The following SLC39A11 variants were observed in gnomAD, a reference collection of about 807,000 sequenced individuals.
The protein encoded by SLC39A11 is zinc transporter ZIP11.
A neutral mutation model predicts 36.1 loss-of-function variants in SLC39A11; 33 were observed. The observed-to-expected ratio is 0.91, with a 90% confidence interval of 0.69 to 1.22. The LOEUF (loss-of-function observed/expected upper bound fraction) is 1.22. SLC39A11 is among the 50% of genes most tolerant of loss of function. The probability of loss-of-function intolerance (pLI) is 0.00; values close to 1 mark genes in which losing one functional copy is unlikely to be tolerated. For missense variants in SLC39A11, 432 were observed against 430.3 expected (o/e 1.00, Z -0.03); for synonymous variants, 166 against 170.3 (o/e 0.97, Z 0.20).
chr17:72,708,475 T>C (rs2143241711), intron 7 of SLC39A11, among the ~76,000 whole-genome samples: 1 of 152,326 alleles, frequency 6.6e-6, no homozygotes, highest in Admixed American at 6.5e-5. Context: ...AGCAAATTCT[T>C]CGTAACAAAT....
intron 3 of SLC39A11, among the ~76,000 whole-genome samples, chr17:73,081,291 A>G (rs1435712813): frequency 1.3e-5 from 2 of 152,196 alleles, no homozygotes; most frequent in African/African-American, 4.8e-5. Flanking sequence ...CTCCTGCAAG[A>G]ATGACCATAA....
chr17:72,678,863 G>C (rs2071392898), intron 7 of SLC39A11, among the ~76,000 whole-genome samples: 1 of 152,114 alleles, frequency 6.6e-6, no homozygotes, highest in South Asian at 2.1e-4. Flanking sequence ...CCAAGACAGG[G>C]AGTCAACCTG....
intron 7 of SLC39A11, among the ~76,000 whole-genome samples, chr17:72,718,214 G>T (rs1017829779): frequency 6.6e-6 from 1 of 152,186 alleles, no homozygotes; most frequent in African/African-American, 2.4e-5. Flanking sequence ...TGGGGAGGCT[G>T]AGGCGGACGG....
At chr17:72,981,692 A>G (rs1469665191) in intron 4 of SLC39A11, among the ~76,000 whole-genome samples, 1 of 152,102 alleles carries the variant, frequency 6.6e-6, no homozygotes, top group African/African-American at 2.4e-5. Flanking sequence ...ATCAAAAAAG[A>G]CTAAGTTCAA....
intron 6 of SLC39A11, among the ~76,000 whole-genome samples, chr17:72,778,045 C>G (rs1444764000): frequency 1.3e-5 from 2 of 152,142 alleles, no homozygotes; most frequent in East Asian, 3.9e-4. Context: ...GCTGGGATTA[C>G]AGGTGCCTGC....
At chr17:72,905,323 C>T (rs1459985778) in intron 5 of SLC39A11, among the ~76,000 whole-genome samples, 2 of 149,048 alleles carry the variant, frequency 1.3e-5, no homozygotes, top group East Asian at 2.0e-4. Flanking sequence ...AGGCCAGGCA[C>T]AGTGGCTCAC....
chr17:72,840,602 T>G (rs1047499300), intron 6 of SLC39A11, among the ~76,000 whole-genome samples: 6 of 152,078 alleles, frequency 3.9e-5, no homozygotes, highest in Non-Finnish European at 4.4e-5. Flanking sequence ...CTACTAAAAG[T>G]ACAAAAATTA....
intron 3 of SLC39A11, among the ~76,000 whole-genome samples, chr17:73,054,955 T>A (rs574165297): frequency 6.6e-6 from 1 of 151,898 alleles, no homozygotes; most frequent in East Asian, 1.9e-4. Context: ...ATGACAAGGA[T>A]CTGGAAGGGA....
At chr17:72,717,828 G>A (rs191835099) in intron 7 of SLC39A11, among the ~76,000 whole-genome samples, 12 of 152,220 alleles carry the variant, frequency 7.9e-5, no homozygotes, top group East Asian at 3.9e-4. Context: ...GCTCTCCCTC[G>A]GAGTGACCCT....
intron 3 of SLC39A11, among the ~76,000 whole-genome samples, chr17:73,062,292 T>G (rs1014139012): frequency 6.6e-6 from 1 of 150,780 alleles, no homozygotes; most frequent in Admixed American, 6.6e-5. Flanking sequence ...AAACCCCATC[T>G]CTATAAAAAA....
chr17:72,698,898 T>C (rs1053762457), intron 7 of SLC39A11, among the ~76,000 whole-genome samples: 3 of 152,156 alleles, frequency 2.0e-5, no homozygotes, highest in African/African-American at 7.2e-5. Flanking sequence ...TGGCGTGATC[T>C]CGGCTCACTG....
intron 5 of SLC39A11, among the ~76,000 whole-genome samples, chr17:72,861,657 T>TTTTATATA (rs1555605275): frequency 2.0e-5 from 1 of 50,952 alleles, no homozygotes; most frequent in African/African-American, 9.2e-5. Flanking sequence ...ATACAACACA[T>TTTTATATA]TATATATATA....
chr17:72,784,978 G>A (rs1430060176), intron 6 of SLC39A11, among the ~76,000 whole-genome samples: 1 of 151,068 alleles, frequency 6.6e-6, no homozygotes, highest in African/African-American at 2.4e-5. Context: ...TCCTGCCTCA[G>A]TCTCCCAAGT....
At chr17:73,031,886 C>T (rs2058749536) in intron 3 of SLC39A11, among the ~76,000 whole-genome samples, 172 bp from the exon 4 acceptor site, 1 of 152,146 alleles carries the variant, frequency 6.6e-6, no homozygotes, top group Non-Finnish European at 1.5e-5. Flanking sequence ...CCCCAGAATT[C>T]CCGGAGCTTA....
At chr17:72,760,597 T>C (rs2075543471) in intron 6 of SLC39A11, among the ~76,000 whole-genome samples, 1 of 152,200 alleles carries the variant, frequency 6.6e-6, no homozygotes, top group Non-Finnish European at 1.5e-5. Context: ...TGTGGGTGAC[T>C]CAGCACAGAC....
intron 4 of SLC39A11, among the ~76,000 whole-genome samples, chr17:72,987,292 T>C (rs2088834075): frequency 1.3e-5 from 2 of 152,234 alleles, no homozygotes; most frequent in Non-Finnish European, 2.9e-5. Context: ...AATAAACCTA[T>C]TGTCTGTAAA....
At chr17:72,763,682 C>G (rs1192141712) in intron 6 of SLC39A11, among the ~76,000 whole-genome samples, 1 of 152,172 alleles carries the variant, frequency 6.6e-6, no homozygotes, top group African/African-American at 2.4e-5. Flanking sequence ...TCCATAAGTA[C>G]TTATCGAGCA....
rs1485324585 is a variant in SLC39A11 at position 72,789,743 on chromosome 17, T to C, written c.602-53024A>G. Among the ~76,000 whole-genome samples, 3 of 152,344 alleles carry C rather than the reference T, an allele frequency of 2.0e-5. No homozygotes were observed. The East Asian group carries it at 5.8e-4, about 29-fold the overall frequency. On this transcript the variant is annotated intron_variant, in intron 6 of 9. Transcript: ENST00000255559. The stretch of plus-strand genomic sequence containing the variant: ...GGGTTCTTTATTATATAGAACCTCG[T>C]TCCCTGGGGCGGATGAAATCCAGGC...
chr17:72,670,998 T>C (rs2070998865), intron 7 of SLC39A11, among the ~76,000 whole-genome samples: 2 of 152,140 alleles, frequency 1.3e-5, no homozygotes, highest in South Asian at 4.1e-4. Context: ...CAGGATGAAA[T>C]CACCTTGTTT....
Sources: gnomAD v4.1 joint callset for allele counts (sites outside exome capture counted in the v4.1 genomes callset) on GRCh38, gnomAD v4.1.1 for gene constraint, MANE v1.5 for transcripts, NCBI Gene and HGNC (gene_info 2026-07-23, HGNC 2026-07-21) for gene names.